The following RLF variants were observed in gnomAD, a reference collection of about 807,000 sequenced individuals.
RLF encodes the protein RLF zinc finger.
A neutral mutation model predicts 162.9 loss-of-function variants in RLF; 7 were observed. The ratio of observed to expected loss-of-function variants is 0.04; its 90% CI spans 0.02 to 0.08. RLF has a LOEUF of 0.08. Ranked by LOEUF, RLF falls within the 10% of genes least tolerant of loss-of-function variation. The pLI is 1.00. For missense variants in RLF, 1,664 were observed against 2,244.7 expected (o/e 0.74, Z 5.23); for synonymous variants, 782 against 791.5 (o/e 0.99, Z 0.20).
In RLF at chr1:40,161,706, G is replaced by C; in HGVS notation, c.237+70G>C. 1 of 1,569,032 alleles carries C rather than the reference G, an allele frequency of 6.4e-7. No homozygotes were observed. Among genetic ancestry groups the C allele is most frequent in the Admixed American group, 1.9e-5 (1 of 51,734 alleles). On this transcript the variant is annotated intron_variant, in intron 1 of 7. Transcript: ENST00000372771. This position sits in a 1 kb window ranked among gnomAD's most constrained non-coding sequence, Gnocchi z 4.4. ...CAGGGAAGGAGGCCCTGGATCCTCT[G>C]TAAGCAGCCGGGTCCAAACTGAAAG...
chr1:40,190,818 T>C lies in RLF; in HGVS notation c.439T>C (p.Cys147Arg), dbSNP rs1642546700. The C allele has an allele frequency of 3.7e-6, 6 of 1,613,212 alleles. No individual in the cohort carries two copies. The highest frequency in any genetic ancestry group is 4.2e-6 in the Non-Finnish European group (5 of 1,179,534). The change falls in exon 3 of 8, where the codon TGT becomes CGT. Residue 147 changes from cysteine (C) to arginine (R), a missense_variant. Cys to Arg is a radical substitution (Grantham distance 180). Transcript: ENST00000372771. ...LLSVSESELPCEVWLPFLQSL... is the reference protein window; with the variant it reads ...LLSVSESELPREVWLPFLQSL... Reference sequence around the variant, plus strand: ...TTCAGTGTCTGAAAGTGAACTGCCATGTGAAGTCTGGCTACCATTCCTTCA... The same window carrying C: ...TTCAGTGTCTGAAAGTGAACTGCCACGTGAAGTCTGGCTACCATTCCTTCA...
chr1:40,166,349 A>G (rs959781261), intron 1 of RLF, among the ~76,000 whole-genome samples: 1 of 152,076 alleles, frequency 6.6e-6, no homozygotes, highest in Non-Finnish European at 1.5e-5. Flanking sequence ...AGAAATTACT[A>G]TAAAGGGAGA....
At chr1:40,185,647 C>G in intron 1 of RLF, among the ~76,000 whole-genome samples, 1 of 92,598 alleles carries the variant, frequency 1.1e-5, no homozygotes, top group Non-Finnish European at 2.0e-5. Flanking sequence ...CCCGTCTCTA[C>G]TAAAAATACA....
rs1267627570 is a variant in RLF, at chr1:40,239,117, A to G, written c.4415A>G (p.Tyr1472Cys). ...SQHVYYRHKD[Y>C]YDDLFRSQKV... ...CATGTATATTACCGACATAAAGACT[A>G]TTATGATGATTTGTTTAGAAGCCAG... is the stretch of plus-strand genomic sequence containing the variant. The change falls in exon 8 of 8, where the codon TAT (tyrosine) becomes TGT (cysteine). Residue 1472 changes from tyrosine to cysteine, a missense_variant. Transcript: ENST00000372771. 1 of 1,613,992 alleles carries G rather than the reference A, an allele frequency of 6.2e-7. No individual in the cohort carries two copies.
In RLF at chr1:40,222,630, G is replaced by A. The variant is rs1308144176; in HGVS notation, c.867G>A (p.Glu289=). The part of the protein sequence containing the change: ...VLDIICNLES[E]GQDNTAFVLC... ...ACATCATTTGTAATCTGGAATCTGA[G>A]GGGCAGGATAACACAGCATTTGTTC... The change falls in exon 6 of 8, where the codon GAG becomes GAA. Residue 289 remains glutamate (E), a synonymous_variant. Transcript: ENST00000372771. The A allele has an allele frequency of 6.8e-6, 11 of 1,613,546 alleles. 2 individuals are homozygous for A. In the South Asian group the frequency reaches 1.2e-4, roughly 18 times the overall value.
chr1:40,216,961 A>G (rs1642932690), intron 5 of RLF, among the ~76,000 whole-genome samples: 1 of 152,128 alleles, frequency 6.6e-6, no homozygotes, highest in Non-Finnish European at 1.5e-5. Flanking sequence ...CTGAGGCAGA[A>G]TTGGATGAAC....
At chr1:40,194,390 A>G (rs918353635) in intron 3 of RLF, among the ~76,000 whole-genome samples, 1 of 151,986 alleles carries the variant, frequency 6.6e-6, no homozygotes, top group African/African-American at 2.4e-5. Context: ...TTTAATCTCA[A>G]CACTTTGGGA....
At position 40,237,506 on chromosome 1, in the gene RLF, C is replaced by T. The variant is rs149988310; in HGVS notation, c.2804C>T (p.Pro935Leu). Reference sequence around the variant, plus strand: ...TTATCTAATGAGAAAGTCTTTGGGCCCTCCAGTTTAAAAGAAAAATGTTCC... The same window carrying T: ...TTATCTAATGAGAAAGTCTTTGGGCTCTCCAGTTTAAAAGAAAAATGTTCC... ...VLLSNEKVFG[P>L]SSLKEKCSSM... Residue 935 changes from proline to leucine, a missense_variant, in exon 8 of 8, where the codon CCC (proline) becomes CTC (leucine). Around this residue, in one of 15 missense-constraint regions of RLF, gnomAD observed 295 missense variants for 317.4 expected, o/e 0.93. Transcript: ENST00000372771. This position sits in a 1 kb window ranked among gnomAD's most constrained non-coding sequence, Gnocchi z 4.4. 2.2e-3 allele frequency: 3,524 copies of T among 1,613,718 alleles called. 10 individuals are homozygous for T. The highest frequency in any genetic ancestry group is 2.9e-3 in the Non-Finnish European group (3,371 of 1,179,948).
chr1:40,222,800 A>C (rs1376213114), intron 6 of RLF, 90 bp downstream of exon 6: 2 of 1,149,510 alleles, frequency 1.7e-6, no homozygotes, highest in Middle Eastern at 2.9e-4. Context: ...TTCTAATTTA[A>C]AACCTAGCAT....
chr1:40,212,556 A>G (rs1642877357), intron 5 of RLF, among the ~76,000 whole-genome samples: 1 of 152,232 alleles, frequency 6.6e-6, no homozygotes, highest in Non-Finnish European at 1.5e-5. Flanking sequence ...CATAGAAAAG[A>G]TAACATTTTA....
At chr1:40,201,321 T>C (rs949881885) in intron 4 of RLF, among the ~76,000 whole-genome samples, 1 of 151,758 alleles carries the variant, frequency 6.6e-6, no homozygotes, top group South Asian at 2.1e-4. Context: ...GTTGGATATT[T>C]ACTATTCAAA....
chr1:40,240,115 A>G lies in RLF; in HGVS notation c.5413A>G (p.Ser1805Gly). 2 of 1,614,198 alleles carry G rather than the reference A, an allele frequency of 1.2e-6. No individual in the cohort carries two copies. The highest frequency in any genetic ancestry group is 3.3e-5 in the Admixed American group (2 of 60,034). The part of the protein sequence containing the change: ...HLTLSNSSQS[S>G]NDLTGNVVAN... ...AACATTAAGTAATTCTTCACAGTCCAGTAATGATTTAACAGGGAATGTTGT... is the reference window on the plus strand; with the variant it reads ...AACATTAAGTAATTCTTCACAGTCCGGTAATGATTTAACAGGGAATGTTGT... Residue 1805 changes from serine (S) to glycine (G), a missense_variant, in exon 8 of 8, where the codon AGT becomes GGT. Transcript: ENST00000372771.
chr1:40,199,109 A>G (rs2091682029), intron 4 of RLF, among the ~76,000 whole-genome samples: 1 of 152,238 alleles, frequency 6.6e-6, no homozygotes, highest in South Asian at 2.1e-4. Context: ...AACAGGTGAG[A>G]GATTACACAT....
At chr1:40,232,628 A>G (rs1324365515) in intron 7 of RLF, among the ~76,000 whole-genome samples, 2 of 152,324 alleles carry the variant, frequency 1.3e-5, no homozygotes, top group East Asian at 3.9e-4. Context: ...AGCTACACTC[A>G]GTCTTTACCT....
Position 40,240,394 on chromosome 1 carries a change from T to G in RLF, c.5692T>G (p.Leu1898Val). The G allele has an allele frequency of 6.2e-7, 1 of 1,614,028 alleles. No homozygotes were observed. The highest frequency in any genetic ancestry group is 8.5e-7 in the Non-Finnish European group (1 of 1,180,010). Residue 1898 changes from leucine (L) to valine (V), a missense_variant, in exon 8 of 8, where the codon TTA (leucine) becomes GTA (valine). Physicochemically the swap from Leu to Val is conservative, Grantham distance 32 (BLOSUM62 1). This residue lies in a region of RLF where 27 missense variants were observed against 52.5 expected (regional missense o/e 0.51). Transcript: ENST00000372771. ...AAGATCTAAGTTTTCCACACCAATTTTAGACTTATTTCCAACAAAAAAGAC... is the reference window on the plus strand; with the variant it reads ...AAGATCTAAGTTTTCCACACCAATTGTAGACTTATTTCCAACAAAAAAGAC... ...LERSKFSTPI[L>V]DLFPTKKTDE...
At chr1:40,225,335 T>G (rs1361233483) in intron 6 of RLF, among the ~76,000 whole-genome samples, 1 of 152,034 alleles carries the variant, frequency 6.6e-6, no homozygotes, top group Non-Finnish European at 1.5e-5. Context: ...TCCCAGCAAT[T>G]TGGGAGACTG....
At chr1:40,229,998 C>T (rs1643132445) in intron 6 of RLF, among the ~76,000 whole-genome samples, 1 of 151,716 alleles carries the variant, frequency 6.6e-6, no homozygotes, top group African/African-American at 2.4e-5. Flanking sequence ...CCTGTAATCC[C>T]AGCTACTTGG....
rs750056991 is a variant in RLF, at chr1:40,195,813, G to A, written c.607+49G>A. The A allele has an allele frequency of 9.6e-6, 15 of 1,560,066 alleles. No individual in the cohort carries two copies. The South Asian group carries it at 1.3e-4, about 14-fold the overall frequency. ...TGAGGATTTAGTTCTGAGAACGTTG[G>A]AATTGATTATGGGTTAAAATTTTGG... On this transcript the variant is annotated intron_variant, in intron 4 of 7. Coordinates refer to ENST00000372771, the MANE Select transcript of RLF (RefSeq NM_012421.4).
intron 1 of RLF, among the ~76,000 whole-genome samples, chr1:40,166,372 A>G (rs1286343979): frequency 3.3e-5 from 5 of 152,204 alleles, no homozygotes; most frequent in African/African-American, 1.2e-4. Flanking sequence ...TTGTGGAGAA[A>G]TAGGAACACT....
Sources: allele counts gnomAD v4.1 joint callset (sites outside exome capture counted in the v4.1 genomes callset), GRCh38; gene constraint gnomAD v4.1.1; regional missense constraint gnomAD v4.1.1; non-coding constraint Gnocchi (gnomAD v3.1); transcripts MANE v1.5; gene names NCBI Gene and HGNC (gene_info 2026-07-23, HGNC 2026-07-21).